GALNT17: variants seen among roughly 807,000 people sequenced by gnomAD.
GALNT17 encodes the protein polypeptide N-acetylgalactosaminyltransferase 17, also known as UDP-GalNAc:polypeptide N-acetylgalactosaminyltransferase-like 3.
In GALNT17, 29 loss-of-function variants were observed where a neutral mutation model predicts 63.7. The observed-to-expected ratio is 0.46, with a 90% CI of 0.34 to 0.62. The LOEUF (loss-of-function observed/expected upper bound fraction) is 0.62, where lower values mean the gene tolerates loss of function less well. GALNT17 is among the 20% of genes least tolerant of loss of function. GALNT17 has a pLI of 0.01. For missense variants in GALNT17, 603 were observed against 799.6 expected, an observed-to-expected ratio of 0.75 and a Z score of 2.97; for synonymous variants, 305 against 318.3, an observed-to-expected ratio of 0.96 and a Z score of 0.45.
intron 6 of GALNT17, among the ~76,000 whole-genome samples, chr7:71,595,691 A>C (rs1456874843): frequency 6.6e-6 from 1 of 151,654 alleles, no homozygotes; most frequent in African/African-American, 2.4e-5. Context: ...ACACACACAC[A>C]CACACACACA....
intron 5 of GALNT17, among the ~76,000 whole-genome samples, chr7:71,504,820 C>T (rs1246053400): frequency 6.6e-6 from 1 of 152,098 alleles, no homozygotes; most frequent in Non-Finnish European, 1.5e-5. Flanking sequence ...TGTGGCCCGT[C>T]ACCTCTCAAT....
At chr7:71,350,393 G>A (rs1792168874) in intron 2 of GALNT17, among the ~76,000 whole-genome samples, 1 of 152,208 alleles carries the variant, frequency 6.6e-6, no homozygotes, top group South Asian at 2.1e-4. Context: ...ATTATAGATT[G>A]TGATAAATGT....
intron 1 of GALNT17, among the ~76,000 whole-genome samples, chr7:71,181,643 GGAT>G (rs1429309513): frequency 2.0e-5 from 3 of 151,948 alleles, no homozygotes; most frequent in Non-Finnish European, 4.4e-5. Context: ...CAAGGAAGGA[GGAT>G]GACTGGAGGC....
rs1789008792 is a variant in GALNT17, at chr7:71,547,659, A to G, written c.963-23626A>G. On this transcript the variant is annotated intron_variant, in intron 5 of 10. Coordinates refer to ENST00000333538, the MANE Select transcript of GALNT17 (RefSeq NM_022479.3). ...GCAGGAGTGAAACCCGCACTGAGAG[A>G]GGAGAGACTGTCACTATTTTCATTG... Among the ~76,000 whole-genome samples the G allele has an allele frequency of 2.0e-5, 3 of 152,098 alleles. No individual in the cohort carries two copies. In the South Asian group the frequency reaches 6.2e-4, roughly 32 times the overall value.
intron 1 of GALNT17, among the ~76,000 whole-genome samples, chr7:71,233,490 G>A (rs930627142): frequency 3.9e-5 from 6 of 152,200 alleles, no homozygotes; most frequent in Non-Finnish European, 1.5e-5. Flanking sequence ...TGCAAAGAGA[G>A]ATAGAACTGC....
intron 6 of GALNT17, among the ~76,000 whole-genome samples, chr7:71,592,701 G>T (rs1465002953): frequency 6.6e-6 from 1 of 152,106 alleles, no homozygotes; most frequent in Non-Finnish European, 1.5e-5. Flanking sequence ...ATCTCTTTAT[G>T]ATTTTCTCAG....
chr7:71,168,018 C>T (rs896158340), intron 1 of GALNT17, among the ~76,000 whole-genome samples: 1 of 152,156 alleles, frequency 6.6e-6, no homozygotes, highest in Admixed American at 6.6e-5. Flanking sequence ...TAACTGTGAT[C>T]TATTTTCGTA....
chr7:71,438,024 T>G (rs573788898), intron 5 of GALNT17, among the ~76,000 whole-genome samples: 18 of 152,184 alleles, frequency 1.2e-4, no homozygotes, highest in Non-Finnish European at 2.4e-4. Flanking sequence ...AGAGACCTGT[T>G]TTCTAAGCCA....
intron 1 of GALNT17, among the ~76,000 whole-genome samples, chr7:71,208,917 C>T (rs1789324338): frequency 6.6e-6 from 1 of 152,120 alleles, no homozygotes. Flanking sequence ...TGATTTGCTA[C>T]CTTTGTCCAG....
At chr7:71,420,764 C>A (rs1480019051) in intron 4 of GALNT17, 144 bp from the exon 5 acceptor site, 8 of 940,452 alleles carry the variant, frequency 8.5e-6, no homozygotes, top group Non-Finnish European at 1.2e-5. Flanking sequence ...TGGGCAGGTC[C>A]CTGGGAGCCT....
At chr7:71,185,320 C>T (rs1788829256) in intron 1 of GALNT17, among the ~76,000 whole-genome samples, 1 of 151,446 alleles carries the variant, frequency 6.6e-6, no homozygotes. Context: ...ATCCCCCCAC[C>T]TCAGCCTCCC....
At chr7:71,555,919 C>T (rs1362213677) in intron 5 of GALNT17, among the ~76,000 whole-genome samples, 1 of 152,190 alleles carries the variant, frequency 6.6e-6, no homozygotes, top group Non-Finnish European at 1.5e-5. Flanking sequence ...ACTATTGCTT[C>T]AGCAGTTAAC....
rs561383417 is a variant in GALNT17 at position 71,134,835 on chromosome 7, G to GTT, written c.238+1825_238+1826dup. 3.2e-3 allele frequency among the ~76,000 whole-genome samples: 184 copies of GTT among 57,912 alleles called. 16 individuals carry two copies. Among genetic ancestry groups the GTT allele is most frequent in the Non-Finnish European group, 3.8e-3 (130 of 34,362 alleles). The allele number at this position is 57,912 out of a possible 152,430, so 38.0% of individuals were successfully genotyped here. On this transcript the variant is annotated intron_variant, in intron 1 of 10. Coordinates refer to ENST00000333538, the MANE Select transcript of GALNT17 (RefSeq NM_022479.3). ...TTAGTATCAGTTTCTTTGTTTTATG[G>GTT]TTTTTTTTTTTTTTTTTTTTTTTTT...
intron 1 of GALNT17, among the ~76,000 whole-genome samples, chr7:71,180,384 C>T (rs1788714469): frequency 6.6e-6 from 1 of 152,120 alleles, no homozygotes; most frequent in Non-Finnish European, 1.5e-5. Context: ...GACTCAGCCT[C>T]CCAAAGTGCT....
intron 1 of GALNT17, among the ~76,000 whole-genome samples, chr7:71,158,137 G>A (rs1440201934): frequency 1.3e-5 from 2 of 148,728 alleles, no homozygotes; most frequent in South Asian, 4.2e-4. Context: ...TTTTTTTTTG[G>A]ATCCATACTC....
intron 5 of GALNT17, among the ~76,000 whole-genome samples, chr7:71,489,778 C>T (rs187326535): frequency 6.6e-6 from 1 of 152,358 alleles, no homozygotes; most frequent in African/African-American, 2.4e-5. Flanking sequence ...ACACCCTTCC[C>T]TCAATGACCT....
At position 71,248,885 on chromosome 7, in the gene GALNT17, G is replaced by A. The variant is rs531141138; in HGVS notation, c.239-86665G>A. The stretch of plus-strand genomic sequence containing the variant: ...GCTTCCAGATCCACCTACTTTTACC[G>A]TAAAGGTGACAGCCTTAACCACCTC... On this transcript the variant is annotated intron_variant, in intron 1 of 10. Transcript: ENST00000333538. Among the ~76,000 whole-genome samples, 16 of 152,206 alleles carry A rather than the reference G, an allele frequency of 1.1e-4. No homozygotes were observed. In the East Asian group the frequency reaches 2.9e-3, roughly 28 times the overall value.
At chr7:71,665,725 C>G in intron 7 of GALNT17, 129 bp downstream of exon 7, 2 of 1,038,988 alleles carry the variant, frequency 1.9e-6, no homozygotes, top group Non-Finnish European at 2.7e-6. Context: ...GAATGCATTT[C>G]AAAGGGATTC....
chr7:71,278,816 G>A (rs545439948), intron 1 of GALNT17, among the ~76,000 whole-genome samples: 4 of 152,068 alleles, frequency 2.6e-5, no homozygotes, highest in Admixed American at 1.3e-4. Flanking sequence ...TCCCTTGCAC[G>A]ACACATGGGA....
Sources: allele counts gnomAD v4.1 joint callset (sites outside exome capture counted in the v4.1 genomes callset), GRCh38; gene constraint gnomAD v4.1.1; transcripts MANE v1.5; gene names NCBI Gene and HGNC (gene_info 2026-07-23, HGNC 2026-07-21).